Variants in CTIF observed in about 807,000 individuals in gnomAD.
The protein encoded by CTIF is cap binding complex dependent translation initiation factor.
CTIF carries 21 observed loss-of-function variants against 66.0 expected under a neutral mutation model. The observed-to-expected ratio is 0.32, with a 90% CI of 0.23 to 0.46. CTIF has a LOEUF of 0.46. Ranked by LOEUF, CTIF falls within the 20% of genes least tolerant of loss-of-function variation. The pLI is 1.00. For synonymous variants in CTIF, 345 were observed against 326.4 expected (o/e 1.06, Z -0.62); for missense variants, 739 against 812.7 (o/e 0.91, Z 1.10).
chr18:48,710,587 G>A (rs1267216189), intron 6 of CTIF, among the ~76,000 whole-genome samples: 4 of 152,218 alleles, frequency 2.6e-5, no homozygotes, highest in African/African-American at 9.6e-5. Context: ...GAGCAGAGCT[G>A]GCCATCAGCC....
chr18:48,541,795 G>A (rs1451703524), intron 1 of CTIF, among the ~76,000 whole-genome samples: 1 of 152,070 alleles, frequency 6.6e-6, no homozygotes. Flanking sequence ...ATAATAATAT[G>A]TTTGTATGAC....
intron 1 of CTIF, chr18:48,566,587 C>T (rs1308129445): frequency 6.6e-6 from 1 of 152,172 alleles, no homozygotes; most frequent in African/African-American, 2.4e-5. Context: ...GTCATGAATC[C>T]AAGGTCCTGT....
chr18:48,839,823 C>G (rs2068896820), intron 10 of CTIF, among the ~76,000 whole-genome samples: 1 of 149,806 alleles, frequency 6.7e-6, no homozygotes, highest in Admixed American at 6.9e-5. Context: ...TTGTTGTGCT[C>G]CAAGGCTTTA....
At chr18:48,715,511 T>C (rs118065578) in intron 7 of CTIF, among the ~76,000 whole-genome samples, 1,689 of 152,262 alleles carry the variant, frequency 0.011, 18 homozygotes, top group Non-Finnish European at 0.019. Context: ...CTAAGGCTCG[T>C]TCCCCCCCTT....
In CTIF at chr18:48,766,603, G is replaced by A. The variant is rs868383682; in HGVS notation, c.1371+4914G>A. On this transcript the variant is annotated intron_variant, in intron 9 of 11. Coordinates refer to ENST00000256413, the MANE Select transcript of CTIF (RefSeq NM_014772.3). The stretch of plus-strand genomic sequence containing the variant: ...TCGTTAGCCAGGGTGGAACACCACT[G>A]TTGAGGAGACACCCCAGAGACACCG... 8.5e-5 allele frequency among the ~76,000 whole-genome samples: 13 copies of A among 152,342 alleles called. No homozygotes were observed. The East Asian group carries it at 1.3e-3, about 16-fold the overall frequency.
intron 9 of CTIF, among the ~76,000 whole-genome samples, chr18:48,808,312 G>A (rs756613200): frequency 1.8e-4 from 28 of 152,090 alleles, no homozygotes; most frequent in Non-Finnish European, 3.4e-4. Context: ...GTTCATGAGG[G>A]ATTTCATACT....
intron 4 of CTIF, 45 bp from the exon 5 acceptor site, chr18:48,664,402 C>T (rs749437736): frequency 2.0e-6 from 3 of 1,518,952 alleles, no homozygotes; most frequent in East Asian, 2.3e-5. Context: ...AGTAACTGGG[C>T]TGTTGCCCTC....
intron 10 of CTIF, among the ~76,000 whole-genome samples, chr18:48,823,596 G>T (rs1264646773): frequency 6.6e-6 from 1 of 152,198 alleles, no homozygotes; most frequent in Non-Finnish European, 1.5e-5. Flanking sequence ...TAGGAAGTGT[G>T]ATTGCCTCAA....
rs1490482918 is a variant in CTIF at position 48,761,917 on chromosome 18, T to C, written c.1371+228T>C. On this transcript the variant is annotated intron_variant, in intron 9 of 11. Coordinates refer to ENST00000256413, the MANE Select transcript of CTIF (RefSeq NM_014772.3). This position sits in a 1 kb window ranked among gnomAD's most constrained non-coding sequence, Gnocchi z 4.2. ...CCCTGGTTACAATGGACCAATATAA[T>C]TTTATAGGTGCTTTATGTTTAACCA... is the stretch of plus-strand genomic sequence containing the variant. Among the ~76,000 whole-genome samples, 1 of 152,216 alleles carries C rather than the reference T, an allele frequency of 6.6e-6. No homozygotes were observed. The highest frequency in any genetic ancestry group is 1.5e-5 in the Non-Finnish European group (1 of 68,044).
chr18:48,618,372 G>A (rs913593437), intron 1 of CTIF, among the ~76,000 whole-genome samples: 5 of 152,202 alleles, frequency 3.3e-5, no homozygotes, highest in African/African-American at 1.2e-4. Context: ...GCTTTCTTGT[G>A]GTAGTGGTTT....
chr18:48,852,628 GGGGT>G (rs2069233371), intron 10 of CTIF, among the ~76,000 whole-genome samples: 3 of 152,248 alleles, frequency 2.0e-5, no homozygotes, highest in African/African-American at 2.4e-5. Context: ...GTGCGGGAGA[GGGGT>G]CACTGCCCCA....
chr18:48,742,344 G>C (rs998642526), intron 7 of CTIF, among the ~76,000 whole-genome samples: 1 of 152,160 alleles, frequency 6.6e-6, no homozygotes, highest in Non-Finnish European at 1.5e-5. Context: ...AGGGTGCCCC[G>C]GGATTCTTCT....
chr18:48,668,775 A>T (rs543223979), intron 5 of CTIF, among the ~76,000 whole-genome samples: 1 of 152,076 alleles, frequency 6.6e-6, no homozygotes, highest in Admixed American at 6.5e-5. Context: ...CGCCCAAGAC[A>T]GTTCTAGACG....
At chr18:48,628,663 G>C (rs12457988) in intron 2 of CTIF, among the ~76,000 whole-genome samples, 74 of 152,276 alleles carry the variant, frequency 4.9e-4, no homozygotes, top group Admixed American at 4.7e-3. Flanking sequence ...GGGATGAAGC[G>C]ATTTGCCCAA....
At chr18:48,755,401 G>T (rs1053952015) in intron 7 of CTIF, among the ~76,000 whole-genome samples, 1 of 152,182 alleles carries the variant, frequency 6.6e-6, no homozygotes, top group Non-Finnish European at 1.5e-5. Context: ...GAGGGCTGCA[G>T]CCCTCCCCGC....
intron 6 of CTIF, among the ~76,000 whole-genome samples, chr18:48,709,656 G>A (rs577253378): frequency 3.3e-4 from 51 of 152,376 alleles, no homozygotes; most frequent in African/African-American, 1.2e-3. Context: ...GAGGCAGGGA[G>A]GGAGGGAAAG....
intron 10 of CTIF, among the ~76,000 whole-genome samples, chr18:48,848,114 CCT>C (rs1444728875): frequency 6.6e-6 from 1 of 152,230 alleles, no homozygotes; most frequent in Non-Finnish European, 1.5e-5. Flanking sequence ...CATTCTTCCC[CCT>C]GTCCCCTTTG....
chr18:48,751,192 C>T lies in CTIF; in HGVS notation c.585-6727C>T, dbSNP rs10468998. Among the ~76,000 whole-genome samples, 458 of 152,244 alleles carry T rather than the reference C, an allele frequency of 3.0e-3. 3 individuals are homozygous for T. Among genetic ancestry groups the T allele is most frequent in the African/African-American group, 0.01 (429 of 41,520 alleles). The stretch of plus-strand genomic sequence containing the variant: ...ACCACCCTCAGAGTGTGTGAACTGC[C>T]CGAGTCCAGGGCCTGCGTTTGGTTT... On this transcript the variant is annotated intron_variant, in intron 7 of 11. Transcript: ENST00000256413.
At chr18:48,629,104 G>A (rs1017736386) in intron 2 of CTIF, among the ~76,000 whole-genome samples, 1 of 152,206 alleles carries the variant, frequency 6.6e-6, no homozygotes, top group African/African-American at 2.4e-5. Flanking sequence ...GGGAAATGAA[G>A]GCATTGGTGA....
Sources: gnomAD v4.1 joint callset for allele counts (sites outside exome capture counted in the v4.1 genomes callset) on GRCh38, gnomAD v4.1.1 for gene constraint, Gnocchi (gnomAD v3.1) non-coding constraint, MANE v1.5 for transcripts, NCBI Gene and HGNC (gene_info 2026-07-23, HGNC 2026-07-21) for gene names.